Variants in GLI3 observed in about 807,000 individuals in gnomAD.
GLI3 encodes transcription activator GLI3.
Under a neutral mutation model 100.8 loss-of-function variants are expected in GLI3, and 20 were observed. That is an observed-to-expected ratio of 0.20 (90% CI 0.14 to 0.29). The LOEUF (loss-of-function observed/expected upper bound fraction) is 0.29, where lower values mean the gene tolerates loss of function less well. Ranked by LOEUF, GLI3 falls within the 10% of genes least tolerant of loss-of-function variation. The pLI, the probability that GLI3 is intolerant of heterozygous loss-of-function variation, is 1.00. For synonymous variants in GLI3, 938 were observed against 860.5 expected, an observed-to-expected ratio of 1.09 and a Z score of -1.58; for missense variants, 2,040 against 2,128.5, an observed-to-expected ratio of 0.96 and a Z score of 0.82.
intron 2 of GLI3, among the ~76,000 whole-genome samples, chr7:42,196,741 T>G (rs910505905): frequency 6.6e-6 from 1 of 152,184 alleles, no homozygotes; most frequent in African/African-American, 2.4e-5. Flanking sequence ...AGCCGTTTCA[T>G]GTCTCACTTG....
intron 10 of GLI3, among the ~76,000 whole-genome samples, chr7:41,987,262 G>A (rs1007639370): frequency 1.3e-5 from 2 of 152,052 alleles, no homozygotes; most frequent in Admixed American, 6.5e-5. Flanking sequence ...TCCACCTCCC[G>A]AGTTCAAGTG....
At position 42,047,199 on chromosome 7, in the gene GLI3, T is replaced by C. The variant is rs142715253; in HGVS notation, c.679+1292A>G. 8.9e-4 allele frequency among the ~76,000 whole-genome samples: 135 copies of C among 152,364 alleles called. 1 individual carries two copies. Among genetic ancestry groups the C allele is most frequent in the Non-Finnish European group, 1.6e-3 (107 of 68,036 alleles). Reference sequence around the variant, plus strand: ...AATCCTGCCCAAAGGGCAAAACTTATTCTTTAGCTACCTGTATTACTATTA... The same window carrying C: ...AATCCTGCCCAAAGGGCAAAACTTACTCTTTAGCTACCTGTATTACTATTA... On this transcript the variant is annotated intron_variant, in intron 5 of 14. Transcript: ENST00000395925.
At chr7:42,049,490 G>A (rs184409275) in intron 4 of GLI3, among the ~76,000 whole-genome samples, 8 of 152,304 alleles carry the variant, frequency 5.3e-5, no homozygotes, top group Admixed American at 3.3e-4. Flanking sequence ...AAGTGCTCCC[G>A]GGTTAGAAAG....
chr7:41,996,386 A>G (rs1013187717), intron 10 of GLI3, among the ~76,000 whole-genome samples: 6 of 152,206 alleles, frequency 3.9e-5, no homozygotes, highest in Non-Finnish European at 7.3e-5. Flanking sequence ...CAGCAGTTCA[A>G]ACATACCCAA....
intron 3 of GLI3, among the ~76,000 whole-genome samples, chr7:42,112,951 T>A (rs55665588): frequency 0.11 from 16,072 of 152,132 alleles, 922 homozygotes; most frequent in African/African-American, 0.16. Context: ...GGTGGGCGGA[T>A]CACTTGAGGT....
At chr7:42,252,255 A>G (rs1789040541) in intron 1 of GLI3, among the ~76,000 whole-genome samples, 1 of 152,190 alleles carries the variant, frequency 6.6e-6, no homozygotes, top group Non-Finnish European at 1.5e-5. Flanking sequence ...CAAACCAAAT[A>G]CCGTATGTTC....
At chr7:41,968,966 C>T (rs964544485) in intron 13 of GLI3, among the ~76,000 whole-genome samples, 2 of 152,120 alleles carry the variant, frequency 1.3e-5, no homozygotes, top group African/African-American at 4.8e-5. Flanking sequence ...ATCTAGTCCA[C>T]CGTAGTCCTC....
chr7:42,177,222 C>T (rs965868195), intron 2 of GLI3, among the ~76,000 whole-genome samples: 2 of 152,056 alleles, frequency 1.3e-5, no homozygotes, highest in Non-Finnish European at 2.9e-5. Flanking sequence ...TCAGCAAAGG[C>T]CTCAGGGACC....
intron 9 of GLI3, among the ~76,000 whole-genome samples, chr7:42,024,840 T>C (rs1433130612): frequency 6.6e-5 from 10 of 152,010 alleles, no homozygotes; most frequent in Non-Finnish European, 1.2e-4. Context: ...TAAGAAAAAA[T>C]GATATAGGAG....
At chr7:42,233,107 C>G (rs1788726613) in intron 1 of GLI3, among the ~76,000 whole-genome samples, 2 of 152,198 alleles carry the variant, frequency 1.3e-5, no homozygotes, top group South Asian at 4.1e-4. Flanking sequence ...CAATTTCTTT[C>G]AAACAGCTCT....
At chr7:41,998,366 G>A (rs1289856007) in intron 10 of GLI3, among the ~76,000 whole-genome samples, 2 of 152,192 alleles carry the variant, frequency 1.3e-5, no homozygotes, top group African/African-American at 4.8e-5. Flanking sequence ...CAGAAAGCCT[G>A]TAAAAACCAT....
At chr7:42,082,052 A>T (rs913239218) in intron 3 of GLI3, among the ~76,000 whole-genome samples, 3 of 151,916 alleles carry the variant, frequency 2.0e-5, no homozygotes, top group Admixed American at 1.3e-4. Flanking sequence ...TCATTCAATC[A>T]TCTGCCATCA....
At chr7:42,178,372 G>T (rs149713467) in intron 2 of GLI3, among the ~76,000 whole-genome samples, 2 of 152,246 alleles carry the variant, frequency 1.3e-5, no homozygotes, top group East Asian at 3.9e-4. Context: ...AAGCTCCTCG[G>T]GCAATGACCA....
chr7:42,098,831 G>A (rs1785396456), intron 3 of GLI3, among the ~76,000 whole-genome samples: 1 of 152,044 alleles, frequency 6.6e-6, no homozygotes, highest in Non-Finnish European at 1.5e-5. Context: ...TATCCTGCTT[G>A]GGTACAGAGA....
At chr7:41,997,600 G>A (rs550387733) in intron 10 of GLI3, among the ~76,000 whole-genome samples, 8 of 152,330 alleles carry the variant, frequency 5.3e-5, no homozygotes, top group Non-Finnish European at 8.8e-5. Flanking sequence ...CTGGCTGGAC[G>A]TTGTGTGTGT....
chr7:42,118,666 T>G (rs942920548), intron 3 of GLI3, among the ~76,000 whole-genome samples: 1 of 152,118 alleles, frequency 6.6e-6, no homozygotes, highest in African/African-American at 2.4e-5. Flanking sequence ...CAGAATGACG[T>G]GATCATCTTG....
chr7:41,966,266 G>A lies in GLI3; in HGVS notation c.2807C>T (p.Ala936Val). ...QYRLKAKYAA[A>V]TGGPPPTPLP... ...GGGCGTCGGCGGCGGCCCTCCTGTGGCAGCCGCGTACTTGGCCTTGAGGCG... is the reference window on the plus strand; with the variant it reads ...GGGCGTCGGCGGCGGCCCTCCTGTGACAGCCGCGTACTTGGCCTTGAGGCG... The change falls in exon 15 of 15, where the codon GCC becomes GTC. Residue 936 changes from alanine (A) to valine (V), a missense_variant. This residue lies in a region of GLI3 where 1,041 missense variants were observed against 924.0 expected (regional missense o/e 1.13). Transcript: ENST00000395925. The surrounding 1 kb of genome is among the most constrained non-coding windows in gnomAD (Gnocchi z 5.8). The A allele has an allele frequency of 6.2e-7, 1 of 1,607,908 alleles. No homozygotes were observed. Among genetic ancestry groups the A allele is most frequent in the South Asian group, 1.1e-5 (1 of 91,038 alleles).
chr7:41,964,790 T>G lies in GLI3; in HGVS notation c.4283A>C (p.Gln1428Pro), dbSNP rs750332096. 11 of 1,613,878 alleles carry G rather than the reference T, an allele frequency of 6.8e-6. No homozygotes were observed. In the Admixed American group the frequency reaches 1.7e-4, roughly 24 times the overall value. Residue 1428 changes from glutamine to proline, a missense_variant, in exon 15 of 15, where the codon CAG (glutamine) becomes CCG (proline). By Grantham distance (76) the Gln-to-Pro change is moderately conservative. Around this residue, in one of 5 missense-constraint regions of GLI3, gnomAD observed 1,041 missense variants for 924.0 expected, o/e 1.13. Coordinates refer to ENST00000395925, the MANE Select transcript of GLI3 (RefSeq NM_000168.6). ...CAGATTAGAGCACAGCGGATGGGGC[T>G]GCCCTTTCATCTCCATCTTGATACC... is the stretch of plus-strand genomic sequence containing the variant. ...VNGIKMEMKGQPHPLCSNLQN... is the reference protein window; with the variant it reads ...VNGIKMEMKGPPHPLCSNLQN...
chr7:42,100,181 C>T (rs60013895), intron 3 of GLI3, among the ~76,000 whole-genome samples: 24,169 of 152,200 alleles, frequency 0.16, 2,288 homozygotes, highest in African/African-American at 0.27. Flanking sequence ...GGGAGCTGCC[C>T]GGTGCAGCCA....
Sources: gnomAD v4.1 joint callset for allele counts (sites outside exome capture counted in the v4.1 genomes callset) on GRCh38, gnomAD v4.1.1 for gene constraint, gnomAD v4.1.1 regional missense constraint, Gnocchi (gnomAD v3.1) non-coding constraint, MANE v1.5 for transcripts, NCBI Gene and HGNC (gene_info 2026-07-23, HGNC 2026-07-21) for gene names.